Variants in ZNF880 observed in about 807,000 individuals in gnomAD.
ZNF880 encodes the protein zinc finger protein 880, also known as zinc finger protein LOC400713.
In ZNF880, 12 loss-of-function variants were observed where a neutral mutation model predicts 11.8. That is an observed-to-expected ratio of 1.02 (90% CI 0.65 to 1.65). ZNF880 has a LOEUF of 1.65. Among genes scored for constraint, ZNF880 ranks in the 40% most tolerant of loss-of-function variants. The pLI is 0.00. For synonymous variants in ZNF880, 210 were observed against 232.4 expected, an observed-to-expected ratio of 0.90 and a Z score of 0.88; for missense variants, 601 against 673.9, an observed-to-expected ratio of 0.89 and a Z score of 1.20.
chr19:52,385,209 TG>T lies in ZNF880; in HGVS notation c.1633del (p.Glu545ArgfsTer52). 3 of 1,551,728 alleles carry T rather than the reference TG, an allele frequency of 1.9e-6. No homozygotes were observed. Among genetic ancestry groups the T allele is most frequent in the Non-Finnish European group, 2.6e-6 (3 of 1,147,244 alleles). ...YLKKHERIHTGEKPYRCHECG... is the reference protein window; with the variant it reads ...YLKKHERIHTXEKPYRCHECG... Reference sequence around the variant, plus strand: ...TAAAAAAACATGAGAGAATTCATACTGGGGAGAAACCGTACAGATGTCATGA... The same window carrying T: ...TAAAAAAACATGAGAGAATTCATACTGGGAGAAACCGTACAGATGTCATGA... On this transcript the variant is annotated frameshift_variant, in exon 4 of 4. Coordinates refer to ENST00000422689, the MANE Select transcript of ZNF880 (RefSeq NM_001145434.2). LOFTEE classifies it low-confidence loss of function (END_TRUNC).
chr19:52,394,739 C>T, the ZNF880 span: 5 of 152,112 alleles, frequency 3.3e-5, no homozygotes, highest in Non-Finnish European at 5.9e-5. Flanking sequence ...TAATATGGGT[C>T]CATAGTTCTG....
At position 52,384,748 on chromosome 19, in the gene ZNF880, A is replaced by C. The variant is rs762546368; in HGVS notation, c.1168A>C (p.Arg390=). The change falls in exon 4 of 4, where the codon AGG becomes CGG. Residue 390 remains arginine (R), a synonymous_variant. Coordinates refer to ENST00000422689, the MANE Select transcript of ZNF880 (RefSeq NM_001145434.2). ...YECKECGKVF[R]HKFCLTNHHR... is the part of the protein sequence containing the mutation. ...ATGTAAAGAATGTGGCAAGGTCTTC[A>C]GGCACAAGTTTTGTCTAACCAATCA... The C allele has an allele frequency of 1.2e-6, 2 of 1,611,666 alleles. No individual in the cohort carries two copies. Among genetic ancestry groups the C allele is most frequent in the South Asian group, 2.2e-5 (2 of 90,768 alleles).
intron 3 of ZNF880, among the ~76,000 whole-genome samples, chr19:52,376,379 T>C (rs1986551262): frequency 6.6e-6 from 1 of 152,132 alleles, no homozygotes; most frequent in Non-Finnish European, 1.5e-5. Context: ...GAGGGTATTA[T>C]ATTATAGTTT....
chr19:52,369,645 T>C (rs1187784715), upstream of ZNF880, among the ~76,000 whole-genome samples: 1 of 151,968 alleles, frequency 6.6e-6, no homozygotes, highest in Admixed American at 6.6e-5. Flanking sequence ...GCTCAAGCGA[T>C]CCTCCCACCT....
At chr19:52,386,214 C>T (rs1291999553), downstream of ZNF880, among the ~76,000 whole-genome samples, 1 of 139,194 alleles carries the variant, frequency 7.2e-6, no homozygotes. Context: ...AGTATGATGA[C>T]AGGGATGACT....
At chr19:52,378,690 G>A (rs1463569029) in intron 3 of ZNF880, among the ~76,000 whole-genome samples, 1 of 150,834 alleles carries the variant, frequency 6.6e-6, no homozygotes. Context: ...TTGGATGCCC[G>A]AGTCCTCGTG....
rs1986864520 is a variant in ZNF880 at position 52,385,653 on chromosome 19, G to GA, written c.*340dup. ...CAGTCTCTAGTTCTCCAATATTTAT[G>GA]ATACTGCATGCTGCAGAAAAGTCAC... On this transcript the variant is annotated 3_prime_UTR_variant, in exon 4 of 4. Coordinates refer to ENST00000422689, the MANE Select transcript of ZNF880 (RefSeq NM_001145434.2). 3 of 185,934 alleles carry GA rather than the reference G, an allele frequency of 1.6e-5. No individual in the cohort carries two copies. The highest frequency in any genetic ancestry group is 9.9e-5 in the South Asian group (1 of 10,094). The allele number at this position is 185,934 out of a possible 1,614,324, so 11.5% of individuals were successfully genotyped here.
chr19:52,379,329 T>G lies in ZNF880; in HGVS notation c.269-4520T>G, dbSNP rs1390931363. On this transcript the variant is annotated intron_variant, in intron 3 of 3. Transcript: ENST00000422689. ...ATTTCTTTTCCTTTCCTTTACCTGA[T>G]TAAGATATTAAATAATATTTTTGTC... 1.3e-5 allele frequency: 5 copies of G among 392,424 alleles called. No homozygotes were observed. The Admixed American group carries it at 1.3e-4, about 10-fold the overall frequency. 24.3% of individuals were successfully genotyped at this position (392,424 alleles called of 1,614,324 possible).
upstream of ZNF880, among the ~76,000 whole-genome samples, chr19:52,368,703 A>T (rs1986237418): frequency 6.6e-6 from 1 of 152,140 alleles, no homozygotes. Flanking sequence ...GTATGTATAT[A>T]TATTTTTACA....
In ZNF880 at chr19:52,385,282, A is replaced by G; in HGVS notation, c.1702A>G (p.Arg568Gly). ...TRNSNLANHH[R>G]IHTGEKPYR Reference sequence around the variant, plus strand: ...AAATTCAAACCTGGCAAATCATCACAGAATCCATACTGGAGAGAAACCGTA... The same window carrying G: ...AAATTCAAACCTGGCAAATCATCACGGAATCCATACTGGAGAGAAACCGTA... Residue 568 changes from arginine to glycine, a missense_variant, in exon 4 of 4, where the codon AGA (arginine) becomes GGA (glycine). Physicochemically the swap from Arg to Gly is moderately radical, Grantham distance 125. Coordinates refer to ENST00000422689, the MANE Select transcript of ZNF880 (RefSeq NM_001145434.2). 6.4e-7 allele frequency: 1 copy of G among 1,552,072 alleles called. No individual in the cohort carries two copies. Among genetic ancestry groups the G allele is most frequent in the Non-Finnish European group, 8.7e-7 (1 of 1,147,202 alleles).
intron 3 of ZNF880, among the ~76,000 whole-genome samples, chr19:52,375,664 C>T (rs994697526): frequency 6.6e-6 from 1 of 151,912 alleles, no homozygotes; most frequent in Non-Finnish European, 1.5e-5. Context: ...CCCACCTTTT[C>T]CCCCAAGACC....
the ZNF880 span, among the ~76,000 whole-genome samples, chr19:52,393,213 C>T: frequency 1.3e-5 from 2 of 151,910 alleles, no homozygotes; most frequent in Non-Finnish European, 2.9e-5. Flanking sequence ...GCTGGGATTA[C>T]TGGTGCCTGC....
intron 1 of ZNF880, chr19:52,370,214 G>T: frequency 1.8e-6 from 1 of 569,012 alleles, no homozygotes; most frequent in Non-Finnish European, 3.1e-6. Context: ...TCCTGTCGCG[G>T]AGTTTGCCTG....
chr19:52,383,604 G>C (rs1799184369), intron 3 of ZNF880, among the ~76,000 whole-genome samples: 1 of 152,094 alleles, frequency 6.6e-6, no homozygotes, highest in African/African-American at 2.4e-5. Context: ...TTCAATTTCT[G>C]TTGTATTTTT....
chr19:52,377,993 G>A (rs1986603406), intron 3 of ZNF880, among the ~76,000 whole-genome samples: 1 of 152,096 alleles, frequency 6.6e-6, no homozygotes, highest in South Asian at 2.1e-4. Context: ...CATCACATAG[G>A]TGTGATTGAT....
chr19:52,394,041 G>A, the ZNF880 span, among the ~76,000 whole-genome samples: 102 of 151,624 alleles, frequency 6.7e-4, no homozygotes, highest in South Asian at 7.7e-3. Context: ...GGGTTTCACC[G>A]TGTTAGCCAG....
upstream of ZNF880, among the ~76,000 whole-genome samples, chr19:52,368,094 T>TGTA (rs1313532552): frequency 6.6e-6 from 1 of 151,190 alleles, no homozygotes; most frequent in Non-Finnish European, 1.5e-5. Context: ...TAATCCCAGC[T>TGTA]ACTTGGGAGG....
At chr19:52,385,978 A>G (rs934550722), downstream of ZNF880, among the ~76,000 whole-genome samples, 5 of 142,388 alleles carry the variant, frequency 3.5e-5, no homozygotes, top group Admixed American at 2.1e-4. Context: ...GATCAAGACC[A>G]TCCTGGCTAA....
rs1986837868 is a variant in ZNF880, at chr19:52,384,996, C to G, written c.1416C>G (p.Asp472Glu). 5 of 1,565,364 alleles carry G rather than the reference C, an allele frequency of 3.2e-6. No individual in the cohort carries two copies. The highest frequency in any genetic ancestry group is 3.5e-6 in the Non-Finnish European group (4 of 1,153,924). Residue 472 changes from aspartate to glutamate, a missense_variant, in exon 4 of 4, where the codon GAC becomes GAG. Physicochemically the swap from Asp to Glu is conservative, Grantham distance 45. This residue lies in a region of ZNF880 where 177 missense variants were observed against 214.5 expected (regional missense o/e 0.83). Coordinates refer to ENST00000422689, the MANE Select transcript of ZNF880 (RefSeq NM_001145434.2). ...ACAGATGTGATGAATGTGGCAAGGA[C>G]TTCACTCGAAATTCAAACCTTGCAA... The part of the protein sequence containing the change: ...KPYRCDECGK[D>E]FTRNSNLANH...
Sources: gnomAD v4.1 joint callset for allele counts (sites outside exome capture counted in the v4.1 genomes callset) on GRCh38, gnomAD v4.1.1 for gene constraint, gnomAD v4.1.1 regional missense constraint, MANE v1.5 for transcripts, NCBI Gene and HGNC (gene_info 2026-07-23, HGNC 2026-07-21) for gene names.